The following ZNF208 variants were observed in gnomAD, a reference collection of about 807,000 sequenced individuals.
ZNF208 encodes the protein zinc finger protein 208.
ZNF208 carries 10 observed loss-of-function variants against 12.1 expected under a neutral mutation model. The ratio of observed to expected loss-of-function variants is 0.83; its 90% CI spans 0.51 to 1.40. The LOEUF (loss-of-function observed/expected upper bound fraction) is 1.40. ZNF208 is among the 40% of genes most tolerant of loss of function. ZNF208 has a pLI of 0.00. For synonymous variants in ZNF208, 497 were observed against 488.4 expected, an observed-to-expected ratio of 1.02 and a Z score of -0.23; for missense variants, 1,652 against 1,485.0, an observed-to-expected ratio of 1.11 and a Z score of -1.85.
At chr19:21,975,042 CAG>C (rs1313428658) in intron 3 of ZNF208, among the ~76,000 whole-genome samples, 1 of 152,050 alleles carries the variant, frequency 6.6e-6, no homozygotes, top group Non-Finnish European at 1.5e-5. Flanking sequence ...AAGCTGAATG[CAG>C]AGTCACACAG....
chr19:21,957,969 A>C (rs1479032621), intron 4 of ZNF208, among the ~76,000 whole-genome samples: 1 of 151,958 alleles, frequency 6.6e-6, no homozygotes, highest in Non-Finnish European at 1.5e-5. Context: ...ATATCTCCTA[A>C]AGCTATTCCT....
intron 4 of ZNF208, among the ~76,000 whole-genome samples, chr19:21,952,388 C>A (rs756749029): frequency 7.2e-5 from 11 of 152,348 alleles, no homozygotes; most frequent in South Asian, 2.1e-4. Context: ...CTGGGAGACA[C>A]CTCCCAGTAG....
chr19:21,941,557 A>T (rs1173817115), intron 4 of ZNF208: 3 of 394,182 alleles, frequency 7.6e-6, no homozygotes, highest in African/African-American at 6.3e-5. Context: ...TTTTTAAACT[A>T]AAGTGTCATG....
intron 3 of ZNF208, among the ~76,000 whole-genome samples, chr19:21,984,451 G>C (rs755044458): frequency 1.8e-4 from 27 of 152,114 alleles, no homozygotes; most frequent in Non-Finnish European, 3.5e-4. Flanking sequence ...TACTCAGGAG[G>C]CTGAGGCAGG....
intron 1 of ZNF208, among the ~76,000 whole-genome samples, chr19:21,992,440 A>G (rs527469061): frequency 3.9e-5 from 6 of 152,372 alleles, no homozygotes; most frequent in African/African-American, 1.4e-4. Context: ...GTCTTTCTTT[A>G]GCACTGTAGA....
At position 22,010,761 on chromosome 19, in the gene ZNF208, T is replaced by A. The variant is rs552344449; in HGVS notation, c.3+31A>T. 6 of 1,614,084 alleles carry A rather than the reference T, an allele frequency of 3.7e-6. No individual in the cohort carries two copies. In the African/African-American group the frequency reaches 8.0e-5, roughly 22 times the overall value. ...ACCGGTTCCAAGCAGCCCGGGCCAC[T>A]CTCTCAGTGTGTCGGACCCGGCACA... On this transcript the variant is annotated intron_variant, in intron 1 of 3. Coordinates refer to ENST00000397126, the MANE Select transcript of ZNF208 (RefSeq NM_007153.3).
At chr19:21,955,870 T>C (rs1322862535) in intron 4 of ZNF208, among the ~76,000 whole-genome samples, 1 of 152,240 alleles carries the variant, frequency 6.6e-6, no homozygotes, top group East Asian at 1.9e-4. Flanking sequence ...CTTTGTTTCT[T>C]TGCTGGTGAG....
rs1481103307 is a variant in ZNF208, at chr19:21,972,132, T to C, written c.2902A>G (p.Thr968Ala). Residue 968 changes from threonine (T) to alanine (A), a missense_variant, in exon 4 of 4, where the codon ACT becomes GCT. By Grantham distance (58) the Thr-to-Ala change is moderately conservative (BLOSUM62 0). Coordinates refer to ENST00000397126, the MANE Select transcript of ZNF208 (RefSeq NM_007153.3). ...TCATATTTGTAAGGTTTCTCTTCAG[T>C]ATGAATTTTCTTATGATAACTAAGG... ...STLSYHKKIH[T>A]EEKPYKYEEC... 3 of 1,610,976 alleles carry C rather than the reference T, an allele frequency of 1.9e-6. No individual in the cohort carries two copies. Among genetic ancestry groups the C allele is most frequent in the East Asian group, 4.5e-5 (2 of 44,654 alleles).
At position 21,971,993 on chromosome 19, in the gene ZNF208, G is replaced by A. The variant is rs759100623; in HGVS notation, c.3041C>T (p.Ser1014Leu). The A allele has an allele frequency of 1.2e-6, 2 of 1,612,960 alleles. No homozygotes were observed. Among genetic ancestry groups the A allele is most frequent in the East Asian group, 4.5e-5 (2 of 44,660 alleles). The part of the protein sequence containing the change: ...EECGKAFNWS[S>L]NLMEHKKIHT... ...AATTTTCTTATGTTCCATAAGGTTT[G>A]ATGACCAGTTGAAAGCTTTGCCACA... is the stretch of plus-strand genomic sequence containing the variant. The change falls in exon 4 of 4, where the codon TCA becomes TTA. Residue 1014 changes from serine to leucine, a missense_variant. By Grantham distance (145) the Ser-to-Leu change is moderately radical (BLOSUM62 -2). Around this residue, in one of 3 missense-constraint regions of ZNF208, gnomAD observed 1,239 missense variants for 1,086.2 expected, o/e 1.14. Coordinates refer to ENST00000397126, the MANE Select transcript of ZNF208 (RefSeq NM_007153.3).
chr19:21,983,323 T>C (rs1401661570), intron 3 of ZNF208, among the ~76,000 whole-genome samples: 1 of 151,780 alleles, frequency 6.6e-6, no homozygotes, highest in Non-Finnish European at 1.5e-5. Flanking sequence ...TCATGCCAGT[T>C]AGAACGGCGA....
chr19:21,986,039 G>T (rs1363509234), intron 3 of ZNF208, among the ~76,000 whole-genome samples: 1 of 152,174 alleles, frequency 6.6e-6, no homozygotes, highest in African/African-American at 2.4e-5. Flanking sequence ...CCCTGTGACC[G>T]AGCTACAACC....
intron 4 of ZNF208, among the ~76,000 whole-genome samples, chr19:21,955,515 C>T (rs576631017): frequency 6.6e-6 from 1 of 152,160 alleles, no homozygotes; most frequent in African/African-American, 2.4e-5. Context: ...TTCTTGGAGG[C>T]TTTGTTCATT....
In ZNF208 at chr19:21,967,374, T is replaced by C. The variant is rs142401550; in HGVS notation, c.*3817A>G. 6.6e-6 allele frequency: 1 copy of C among 152,288 alleles called. No homozygotes were observed. The highest frequency in any genetic ancestry group is 1.9e-4 in the East Asian group (1 of 5,180). 9.4% of individuals were successfully genotyped at this position (152,288 alleles called of 1,614,324 possible). A position where few individuals can be genotyped will look rare whatever the true frequency, so the allele number is the denominator to read the frequency against. On this transcript the variant is annotated 3_prime_UTR_variant, in exon 4 of 4. Transcript: ENST00000397126. ...GATTGCAAAGTATAGCTTAATTCAG[T>C]ACTCTCTCTTCCATTTCATTGGTCT...
At chr19:21,979,796 G>T (rs1301605638) in intron 3 of ZNF208, among the ~76,000 whole-genome samples, 1 of 151,872 alleles carries the variant, frequency 6.6e-6, no homozygotes, top group African/African-American at 2.4e-5. Flanking sequence ...AAATTGAACA[G>T]TCAAGATCCA....
At chr19:21,960,828 G>A (rs1228740898) in intron 4 of ZNF208, among the ~76,000 whole-genome samples, 1 of 152,184 alleles carries the variant, frequency 6.6e-6, no homozygotes, top group African/African-American at 2.4e-5. Flanking sequence ...AACCTCATTT[G>A]AAATTTCCAG....
At chr19:21,944,808 C>T (rs1213370980) in intron 4 of ZNF208, among the ~76,000 whole-genome samples, 1 of 152,114 alleles carries the variant, frequency 6.6e-6, no homozygotes, top group Non-Finnish European at 1.5e-5. Flanking sequence ...TGGAATAAAT[C>T]AAGACAAGTA....
At chr19:21,974,850 T>C in intron 3 of ZNF208, 43 bp from the exon 4 acceptor site, 1 of 1,478,730 alleles carries the variant, frequency 6.8e-7, no homozygotes, top group African/African-American at 1.4e-5. Context: ...CTTATTAGAC[T>C]CAGATAAATA....
intron 1 of ZNF208, chr19:21,991,817 T>C (rs1206201277): frequency 2.6e-5 from 4 of 151,160 alleles, no homozygotes; most frequent in African/African-American, 9.8e-5. Context: ...TCAGATGGAA[T>C]AGATGTGTTG....
intron 4 of ZNF208, among the ~76,000 whole-genome samples, chr19:21,942,176 T>C (rs945679613): frequency 6.6e-6 from 1 of 152,136 alleles, no homozygotes; most frequent in Non-Finnish European, 1.5e-5. Flanking sequence ...TAATGAAAAG[T>C]TTTTAGACAA....
Sources: allele counts gnomAD v4.1 joint callset (sites outside exome capture counted in the v4.1 genomes callset), GRCh38; gene constraint gnomAD v4.1.1; regional missense constraint gnomAD v4.1.1; transcripts MANE v1.5; gene names NCBI Gene and HGNC (gene_info 2026-07-23, HGNC 2026-07-21).